Variants in AGBL1 observed in about 807,000 individuals in gnomAD.
The protein encoded by AGBL1 is cytosolic carboxypeptidase 4.
In AGBL1, 130 loss-of-function variants were observed where a neutral mutation model predicts 118.9. The ratio of observed to expected loss-of-function variants is 1.09; its 90% CI spans 0.95 to 1.26. AGBL1 has a LOEUF of 1.26. Among genes scored for constraint, AGBL1 ranks in the 50% most tolerant of loss-of-function variants. The pLI is 0.00. For synonymous variants in AGBL1, 555 were observed against 478.9 expected, an observed-to-expected ratio of 1.16 and a Z score of -2.08; for missense variants, 1,584 against 1,298.1, an observed-to-expected ratio of 1.22 and a Z score of -3.38.
chr15:87,013,341 T>C (rs939754375), intron 24 of AGBL1, among the ~76,000 whole-genome samples: 10 of 152,302 alleles, frequency 6.6e-5, no homozygotes, highest in African/African-American at 1.9e-4. Context: ...TCCATTGGCA[T>C]TGAGTGCATC....
chr15:86,479,802 A>G (rs1408544089), intron 18 of AGBL1, among the ~76,000 whole-genome samples: 1 of 152,194 alleles, frequency 6.6e-6, no homozygotes, highest in East Asian at 1.9e-4. Flanking sequence ...TTATTGCGGC[A>G]CTATTCACAA....
intron 22 of AGBL1, among the ~76,000 whole-genome samples, chr15:86,780,534 C>G (rs1031215510): frequency 6.6e-6 from 1 of 152,062 alleles, no homozygotes; most frequent in African/African-American, 2.4e-5. Context: ...TTGGAATCAC[C>G]TTTATTGGAA....
chr15:86,564,095 C>T lies in AGBL1; in HGVS notation c.2994+9558C>T, dbSNP rs553066853. Among the ~76,000 whole-genome samples, 72 of 152,294 alleles carry T rather than the reference C, an allele frequency of 4.7e-4. No individual in the cohort carries two copies. In the East Asian group the frequency reaches 0.013, roughly 28 times the overall value. ...TTGACTCTTTATCCAATTTGCCAGT[C>T]TGTGTCTTTTAATTGGAGAATTTAG... is the stretch of plus-strand genomic sequence containing the variant. On this transcript the variant is annotated intron_variant, in intron 21 of 22. Coordinates refer to ENST00000614907, the MANE Select transcript of AGBL1 (RefSeq NM_001386094.1).
intron 17 of AGBL1, among the ~76,000 whole-genome samples, chr15:86,377,188 T>C (rs2081052757): frequency 6.6e-6 from 1 of 152,244 alleles, no homozygotes; most frequent in South Asian, 2.1e-4. Flanking sequence ...TTGGATTATA[T>C]GGACCAATGC....
chr15:87,027,127 CAT>C (rs1460785483), intron 24 of AGBL1, among the ~76,000 whole-genome samples: 1 of 151,830 alleles, frequency 6.6e-6, no homozygotes, highest in Admixed American at 6.6e-5. Context: ...TCCTCAATAA[CAT>C]ATAAAAATGA....
At chr15:86,514,737 C>T (rs1423600041) in intron 18 of AGBL1, among the ~76,000 whole-genome samples, 14 of 152,114 alleles carry the variant, frequency 9.2e-5, no homozygotes, top group African/African-American at 3.4e-4. Context: ...CATGTCCACC[C>T]CATGTCCATT....
chr15:86,229,359 AAGG>A (rs780940738), intron 6 of AGBL1, among the ~76,000 whole-genome samples: 2 of 152,140 alleles, frequency 1.3e-5, no homozygotes, highest in African/African-American at 2.4e-5. Context: ...TGGCAATAGC[AAGG>A]AGAAGTGCCA....
At chr15:86,556,910 C>G (rs1047142710) in intron 21 of AGBL1, among the ~76,000 whole-genome samples, 1 of 152,068 alleles carries the variant, frequency 6.6e-6, no homozygotes, top group African/African-American at 2.4e-5. Flanking sequence ...CATTTCTCCC[C>G]CAGCACACTA....
At chr15:86,595,261 C>CT (rs1486171890) in intron 21 of AGBL1, among the ~76,000 whole-genome samples, 1 of 152,108 alleles carries the variant, frequency 6.6e-6, no homozygotes, top group Non-Finnish European at 1.5e-5. Flanking sequence ...CAGCTTGGAT[C>CT]TTTTTTTCTA....
At chr15:86,941,653 T>A (rs1863459448) in intron 23 of AGBL1, among the ~76,000 whole-genome samples, 1 of 152,198 alleles carries the variant, frequency 6.6e-6, no homozygotes, top group Admixed American at 6.5e-5. Context: ...CTTTGGAATT[T>A]GCTGGAAAAC....
chr15:86,893,832 CAAG>C (rs1229307819), intron 22 of AGBL1, among the ~76,000 whole-genome samples: 5 of 152,248 alleles, frequency 3.3e-5, no homozygotes, highest in South Asian at 2.1e-4. Flanking sequence ...TGCATCATTT[CAAG>C]AAGAAGAGGT....
chr15:86,921,041 C>A (rs758110166), downstream of AGBL1, among the ~76,000 whole-genome samples: 1 of 152,138 alleles, frequency 6.6e-6, no homozygotes, highest in Non-Finnish European at 1.5e-5. Context: ...ACCTCCCCAG[C>A]GGCTTCTAGG....
At chr15:86,239,207 C>T (rs566289880) in intron 6 of AGBL1, among the ~76,000 whole-genome samples, 124 of 152,206 alleles carry the variant, frequency 8.1e-4, no homozygotes, top group Middle Eastern at 3.4e-3. Context: ...TCTGGAGCTT[C>T]GGAAAAGCAT....
intron 24 of AGBL1, among the ~76,000 whole-genome samples, chr15:86,993,283 C>T (rs566058669): frequency 1.3e-5 from 2 of 152,268 alleles, no homozygotes; most frequent in African/African-American, 4.8e-5. Flanking sequence ...GCATTTTGTA[C>T]ATCAACTCTT....
chr15:86,290,838 C>A (rs1445303186), intron 16 of AGBL1, among the ~76,000 whole-genome samples: 2 of 151,934 alleles, frequency 1.3e-5, no homozygotes, highest in Non-Finnish European at 2.9e-5. Flanking sequence ...CATCCCTCCC[C>A]CTTCCCCCGA....
At chr15:86,982,963 A>G (rs1251240163) in intron 23 of AGBL1, among the ~76,000 whole-genome samples, 1 of 152,196 alleles carries the variant, frequency 6.6e-6, no homozygotes, top group Non-Finnish European at 1.5e-5. Context: ...CTAGATCAGA[A>G]TACGCCATTT....
At chr15:86,990,824 G>C (rs2081330495) in intron 24 of AGBL1, among the ~76,000 whole-genome samples, 1 of 152,118 alleles carries the variant, frequency 6.6e-6, no homozygotes, top group South Asian at 2.1e-4. Context: ...GGACAGGGAG[G>C]GAGAGTCCTT....
At chr15:86,827,411 G>GTA (rs1196407525) in intron 22 of AGBL1, among the ~76,000 whole-genome samples, 5 of 4,596 alleles carry the variant, frequency 1.1e-3, no homozygotes, top group African/African-American at 4.7e-3. Context: ...ATATATATGT[G>GTA]TATATATATA....
intron 1 of AGBL1, among the ~76,000 whole-genome samples, chr15:86,127,124 A>G (rs534704239): frequency 1.3e-5 from 2 of 152,360 alleles, no homozygotes; most frequent in South Asian, 4.1e-4. Flanking sequence ...GGAAAACTAC[A>G]GGAATACTTA....
Sources: allele counts gnomAD v4.1 joint callset (sites outside exome capture counted in the v4.1 genomes callset), GRCh38; gene constraint gnomAD v4.1.1; transcripts MANE v1.5; gene names NCBI Gene and HGNC (gene_info 2026-07-23, HGNC 2026-07-21).